UBR4: variants seen among roughly 807,000 people sequenced by gnomAD.
UBR4 encodes the protein ubiquitin protein ligase E3 component n-recognin 4.
Under a neutral mutation model 575.6 loss-of-function variants are expected in UBR4, and 124 were observed. The ratio of observed to expected loss-of-function variants is 0.22; its 90% CI spans 0.19 to 0.25. The LOEUF is 0.25. Among genes scored for constraint, UBR4 ranks in the 10% least tolerant of loss-of-function variants. The pLI is 1.00. For missense variants in UBR4, 4,818 were observed against 6,478.8 expected, an observed-to-expected ratio of 0.74 and a Z score of 8.80; for synonymous variants, 2,455 against 2,473.7, an observed-to-expected ratio of 0.99 and a Z score of 0.22.
At chr1:19,077,048 C>A (rs1157017620) in intron 104 of UBR4, 146 bp from the exon 105 acceptor site, 7 of 793,782 alleles carry the variant, frequency 8.8e-6, no homozygotes, top group Non-Finnish European at 1.3e-5. Context: ...CTAGAGCGTG[C>A]GTTTTGTCTC....
intron 64 of UBR4, 149 bp downstream of exon 64, chr1:19,126,297 A>C: frequency 1.2e-6 from 1 of 866,438 alleles, no homozygotes; most frequent in Non-Finnish European, 1.8e-6. Context: ...TCATTTATTC[A>C]ATCACGCCGA....
chr1:19,098,221 CAG>C (rs1301176020), intron 90 of UBR4, among the ~76,000 whole-genome samples: 1 of 152,168 alleles, frequency 6.6e-6, no homozygotes, highest in Non-Finnish European at 1.5e-5. Flanking sequence ...GAGAATTCCT[CAG>C]AGAGAACCAC....
intron 29 of UBR4, among the ~76,000 whole-genome samples, chr1:19,166,707 T>C (rs2088492257): frequency 1.1e-5 from 1 of 92,198 alleles, no homozygotes; most frequent in Non-Finnish European, 1.9e-5. Context: ...GCAAACTCCA[T>C]CTCTACCAAA....
chr1:19,125,876 T>A (rs904361032), intron 64 of UBR4, among the ~76,000 whole-genome samples: 1 of 152,216 alleles, frequency 6.6e-6, no homozygotes, highest in East Asian at 1.9e-4. Context: ...CTAGGCATTG[T>A]GCTAAGTCCT....
intron 83 of UBR4, among the ~76,000 whole-genome samples, chr1:19,106,156 T>C (rs2079170684): frequency 6.6e-6 from 1 of 152,230 alleles, no homozygotes; most frequent in Non-Finnish European, 1.5e-5. Flanking sequence ...TTGGGGACAC[T>C]TATATGCTGA....
intron 103 of UBR4, chr1:19,080,771 C>CT (rs1357468071): frequency 7.2e-5 from 11 of 152,716 alleles, no homozygotes; most frequent in Non-Finnish European, 1.3e-4. Context: ...AGCTGTTTCT[C>CT]TTGAGACCAT....
intron 25 of UBR4, among the ~76,000 whole-genome samples, chr1:19,171,910 T>C (rs1269527572): frequency 1.3e-5 from 2 of 152,054 alleles, no homozygotes; most frequent in African/African-American, 4.8e-5. Flanking sequence ...ATAAAGTCAA[T>C]AAGCTTAAGA....
At position 19,164,890 on chromosome 1, in the gene UBR4, A is replaced by G. The variant is rs553129900; in HGVS notation, c.4420T>C (p.Ser1474Pro). The part of the protein sequence containing the change: ...LQAWLTRMTT[S>P]PPKDSDQLDV... Reference sequence around the variant, plus strand: ...AGCTGATCAGAATCTTTTGGGGGCGATGTAGTCATGCGGGTGAGCCAGGCC... The same window carrying G: ...AGCTGATCAGAATCTTTTGGGGGCGGTGTAGTCATGCGGGTGAGCCAGGCC... The change falls in exon 32 of 106, where the codon TCG (serine) becomes CCG (proline). Residue 1474 changes from serine to proline, a missense_variant. Coordinates refer to ENST00000375254, the MANE Select transcript of UBR4 (RefSeq NM_020765.3). The G allele has an allele frequency of 9.3e-6, 15 of 1,614,122 alleles. No individual in the cohort carries two copies. The African/African-American group carries it at 1.5e-4, about 16-fold the overall frequency.
At chr1:19,086,591 T>C (rs2077038734) in intron 100 of UBR4, 88 bp downstream of exon 100, 1 of 1,555,976 alleles carries the variant, frequency 6.4e-7, no homozygotes, top group Non-Finnish European at 8.7e-7. Flanking sequence ...AAGGAGCAGA[T>C]TTAAAACCAC....
intron 103 of UBR4, 124 bp downstream of exon 103, chr1:19,081,225 G>A (rs2076472058): frequency 1.2e-6 from 1 of 818,918 alleles, no homozygotes; most frequent in Non-Finnish European, 1.9e-6. Context: ...GAAGGGAGAA[G>A]GGCTGGTGTC....
intron 8 of UBR4, among the ~76,000 whole-genome samples, chr1:19,196,371 G>A (rs986692091): frequency 6.6e-6 from 1 of 152,152 alleles, no homozygotes; most frequent in Non-Finnish European, 1.5e-5. Context: ...ATTTCATGGT[G>A]TCCCCAAGGT....
At chr1:19,197,566 A>T in intron 7 of UBR4, 104 bp downstream of exon 7, 1 of 1,476,522 alleles carries the variant, frequency 6.8e-7, no homozygotes, top group African/African-American at 1.4e-5. Flanking sequence ...AGACGAGGTT[A>T]CAGTGAACCG....
In UBR4 at chr1:19,210,065, C is replaced by T. The variant is rs1293727735; in HGVS notation, c.176+8G>A. 2.6e-6 allele frequency: 4 copies of T among 1,546,802 alleles called. No homozygotes were observed. Among genetic ancestry groups the T allele is most frequent in the Non-Finnish European group, 3.5e-6 (4 of 1,148,104 alleles). ...ACAGCGTCGCCCGCCAGAGCCGCCG[C>T]CCGGTACCTCTCGATGACTGAGGCC... On this transcript the variant is annotated splice_region_variant and intron_variant, in intron 1 of 105. Transcript: ENST00000375254.
chr1:19,141,363 C>T lies in UBR4; in HGVS notation c.8472G>A (p.Leu2824=). The T allele has an allele frequency of 6.2e-7, 1 of 1,614,238 alleles. No homozygotes were observed. The highest frequency in any genetic ancestry group is 8.5e-7 in the Non-Finnish European group (1 of 1,180,036). The change falls in exon 57 of 106, where the codon CTG becomes CTA. Residue 2824 remains leucine, a synonymous_variant. Coordinates refer to ENST00000375254, the MANE Select transcript of UBR4 (RefSeq NM_020765.3). ...TMVELAIALS[L]QQDQQGSSSS... is the part of the protein sequence containing the mutation. ...GCCTTCTACCTTGTTGGTCCTGCTGCAGGCTCAGGGCAATGGCTAGTTCAA... is the reference window on the plus strand; with the variant it reads ...GCCTTCTACCTTGTTGGTCCTGCTGTAGGCTCAGGGCAATGGCTAGTTCAA...
At chr1:19,075,003 G>T in intron 105 of UBR4, 107 bp from the exon 106 acceptor site, 2 of 1,199,674 alleles carry the variant, frequency 1.7e-6, no homozygotes, top group South Asian at 1.3e-5. Flanking sequence ...GGTCCGACAA[G>T]CTCTGGCCCG....
At chr1:19,191,575 T>C (rs2092086445) in intron 11 of UBR4, among the ~76,000 whole-genome samples, 1 of 152,254 alleles carries the variant, frequency 6.6e-6, no homozygotes, top group Non-Finnish European at 1.5e-5. Flanking sequence ...TACTCGTTAA[T>C]AGATTTGTTC....
chr1:19,088,749 G>C lies in UBR4; in HGVS notation c.14430+10C>G, dbSNP rs375938343. 6.2e-7 allele frequency: 1 copy of C among 1,612,412 alleles called. No homozygotes were observed. The highest frequency in any genetic ancestry group is 8.5e-7 in the Non-Finnish European group (1 of 1,179,830). ...GGCAGAAATATGGGGACTCTAGGTG[G>C]TAGCTTTACCGTCATGCCCAGGGTG... On this transcript the variant is annotated intron_variant, in intron 98 of 105. Coordinates refer to ENST00000375254, the MANE Select transcript of UBR4 (RefSeq NM_020765.3). This position sits in a 1 kb window ranked among gnomAD's most constrained non-coding sequence, Gnocchi z 4.0.
At chr1:19,114,995 G>A (rs186490699) in intron 74 of UBR4, 46 bp from the exon 75 acceptor site, 1 of 1,612,316 alleles carries the variant, frequency 6.2e-7, no homozygotes, top group Admixed American at 1.7e-5. Context: ...AAGGCTGGGT[G>A]GGGTGGGGGT....
Position 19,187,093 on chromosome 1 carries a change from TATAC to T in UBR4, c.1632+67_1632+70del, listed in dbSNP as rs1174837093. On this transcript the variant is annotated intron_variant, in intron 13 of 105. Coordinates refer to ENST00000375254, the MANE Select transcript of UBR4 (RefSeq NM_020765.3). ...AGAAAGTTTTATATATATATATATA[TATAC>T]ATATATATATCATATATATAAAATG... 3.0e-5 allele frequency: 27 copies of T among 900,508 alleles called. No individual in the cohort carries two copies. In the African/African-American group the frequency reaches 4.2e-4, roughly 14 times the overall value. The allele number at this position is 900,508 out of a possible 1,614,324, so 55.8% of individuals were successfully genotyped here.
Sources: gnomAD v4.1 joint callset for allele counts (sites outside exome capture counted in the v4.1 genomes callset) on GRCh38, gnomAD v4.1.1 for gene constraint, Gnocchi (gnomAD v3.1) non-coding constraint, MANE v1.5 for transcripts, NCBI Gene and HGNC (gene_info 2026-07-23, HGNC 2026-07-21) for gene names.